Variants in SNTB2 observed in about 807,000 individuals in gnomAD.
SNTB2 encodes beta-2-syntrophin.
Under a neutral mutation model 46.2 loss-of-function variants are expected in SNTB2, and 34 were observed. That is an observed-to-expected ratio of 0.74 (90% CI 0.56 to 0.98). The LOEUF is 0.98. Among genes scored for constraint, SNTB2 ranks in the 50% least tolerant of loss-of-function variants. The pLI is 0.00. For missense variants in SNTB2, 603 were observed against 731.4 expected (o/e 0.82, Z 2.02); for synonymous variants, 290 against 312.6 (o/e 0.93, Z 0.76).
At chr16:69,197,092 A>C (rs1009596839) in intron 1 of SNTB2, among the ~76,000 whole-genome samples, 9 of 152,144 alleles carry the variant, frequency 5.9e-5, no homozygotes, top group African/African-American at 1.9e-4. Context: ...ACTCTGTTAG[A>C]CACTCTGAGA....
intron 4 of SNTB2, among the ~76,000 whole-genome samples, chr16:69,274,652 C>CA (rs758148568): frequency 0.053 from 3,517 of 66,558 alleles, 110 homozygotes; most frequent in East Asian, 0.15. Context: ...GACTCCATCT[C>CA]AAAAAAAAAA....
At chr16:69,294,346 G>A (rs1399363645) in intron 5 of SNTB2, among the ~76,000 whole-genome samples, 1 of 151,962 alleles carries the variant, frequency 6.6e-6, no homozygotes, top group East Asian at 1.9e-4. Context: ...GTTACATCAT[G>A]CTTGTATCAT....
intron 1 of SNTB2, among the ~76,000 whole-genome samples, chr16:69,226,668 T>C (rs1017128769): frequency 6.6e-6 from 1 of 152,156 alleles, no homozygotes; most frequent in African/African-American, 2.4e-5. Context: ...TTGCTGGGAC[T>C]ACAAGCATAT....
intron 2 of SNTB2, among the ~76,000 whole-genome samples, chr16:69,253,516 G>A (rs1005648445): frequency 3.3e-5 from 5 of 151,972 alleles, no homozygotes; most frequent in African/African-American, 4.8e-5. Flanking sequence ...GGGCGTGGTG[G>A]CGGGCGCCTG....
intron 1 of SNTB2, among the ~76,000 whole-genome samples, chr16:69,198,644 G>A (rs979375077): frequency 1.2e-4 from 19 of 152,208 alleles, no homozygotes; most frequent in African/African-American, 4.1e-4. Context: ...CAAACATCTG[G>A]ATGTAGTTAC....
rs1195990792 is a variant in SNTB2 at position 69,284,229 on chromosome 16, A to G, written c.1330A>G (p.Lys444Glu). The G allele has an allele frequency of 4.3e-6, 7 of 1,610,650 alleles. No homozygotes were observed. The South Asian group carries it at 6.6e-5, about 15-fold the overall frequency. The change falls in exon 5 of 7, where the codon AAG (lysine) becomes GAG (glutamate). Residue 444 changes from lysine to glutamate, a missense_variant. Physicochemically the swap from Lys to Glu is moderately conservative, Grantham distance 56. Around this residue, in one of 2 missense-constraint regions of SNTB2, gnomAD observed 537 missense variants for 692.4 expected, o/e 0.78. Transcript: ENST00000336278. Reference protein sequence around the residue: ...QGCHAAAELIKEVSLGCMLNG... With the variant: ...QGCHAAAELIEEVSLGCMLNG... ...TTGCCATGCTGCTGCTGAGCTGATC[A>G]AGGAAGTCTCTCTAGGTAGAGATGC...
chr16:69,248,556 T>C (rs1475555094), intron 2 of SNTB2, among the ~76,000 whole-genome samples: 1 of 152,130 alleles, frequency 6.6e-6, no homozygotes, highest in African/African-American at 2.4e-5. Flanking sequence ...TGCTTGAACC[T>C]GGGAGGCAGA....
chr16:69,238,843 C>T (rs978938758), intron 1 of SNTB2, among the ~76,000 whole-genome samples: 1 of 152,196 alleles, frequency 6.6e-6, no homozygotes, highest in African/African-American at 2.4e-5. Context: ...GCCAGCTGGT[C>T]TTCCTGCTTT....
chr16:69,223,974 T>C (rs114040222), intron 1 of SNTB2, among the ~76,000 whole-genome samples: 3,501 of 152,168 alleles, frequency 0.023, 136 homozygotes, highest in African/African-American at 0.08. Flanking sequence ...CTTGACACTT[T>C]AGAAGAATAC....
At chr16:69,284,463 A>G in intron 5 of SNTB2, among the ~76,000 whole-genome samples, 7 of 64,000 alleles carry the variant, frequency 1.1e-4, no homozygotes, top group African/African-American at 8.4e-4. Flanking sequence ...CTTTACTAAA[A>G]AAAAAAAAAA....
chr16:69,255,944 T>C (rs1215326691), intron 2 of SNTB2, among the ~76,000 whole-genome samples: 1 of 151,366 alleles, frequency 6.6e-6, no homozygotes, highest in Non-Finnish European at 1.5e-5. Flanking sequence ...TCCCAGCACT[T>C]TGGGAAGCTG....
chr16:69,223,004 A>G (rs1344248865), intron 1 of SNTB2, among the ~76,000 whole-genome samples: 1 of 151,192 alleles, frequency 6.6e-6, no homozygotes, highest in Non-Finnish European at 1.5e-5. Flanking sequence ...GGCTGGTCTC[A>G]AACTCCTAAC....
chr16:69,234,185 T>G (rs2152295312), intron 1 of SNTB2, among the ~76,000 whole-genome samples: 1 of 152,224 alleles, frequency 6.6e-6, no homozygotes, highest in Non-Finnish European at 1.5e-5. Context: ...TTACAAAAAT[T>G]AGCTGGGTGC....
chr16:69,249,043 G>C (rs1409188910), intron 2 of SNTB2, among the ~76,000 whole-genome samples: 1 of 55,982 alleles, frequency 1.8e-5, no homozygotes, highest in East Asian at 5.9e-4. Flanking sequence ...TTTTTTTTTT[G>C]AGACAGGGCT....
intron 1 of SNTB2, among the ~76,000 whole-genome samples, chr16:69,205,956 A>T (rs1025174709): frequency 1.3e-5 from 2 of 152,136 alleles, no homozygotes; most frequent in Non-Finnish European, 2.9e-5. Context: ...GCTTGTTAGG[A>T]AGTGATGGGA....
In SNTB2 at chr16:69,217,358, CA is replaced by C. The variant is rs200758565; in HGVS notation, c.581-28243del. Among the ~76,000 whole-genome samples the C allele has an allele frequency of 2.3e-3, 357 of 152,140 alleles. 4 individuals are homozygous for C. Among genetic ancestry groups the C allele is most frequent in the African/African-American group, 8.2e-3 (342 of 41,502 alleles). The stretch of plus-strand genomic sequence containing the variant: ...ACATTGTGGCATGCACCTGTAATCC[CA>C]GGTACTTGGGAGGCTGAGGTGGAAG... On this transcript the variant is annotated intron_variant, in intron 1 of 6. Transcript: ENST00000336278.
chr16:69,295,374 C>T (rs1417463620), intron 5 of SNTB2, among the ~76,000 whole-genome samples: 1 of 150,836 alleles, frequency 6.6e-6, no homozygotes, highest in East Asian at 2.0e-4. Flanking sequence ...CTCAGCCTCC[C>T]GAGTAGCTGG....
At chr16:69,289,209 C>T (rs183173801) in intron 5 of SNTB2, among the ~76,000 whole-genome samples, 102 of 143,786 alleles carry the variant, frequency 7.1e-4, no homozygotes, top group Non-Finnish European at 1.2e-3. Flanking sequence ...GCAGAGGTTG[C>T]GGTGAGCCAA....
chr16:69,260,880 G>A (rs1964828099), intron 3 of SNTB2, among the ~76,000 whole-genome samples: 1 of 151,870 alleles, frequency 6.6e-6, no homozygotes, highest in Non-Finnish European at 1.5e-5. Flanking sequence ...TTCCATAACT[G>A]AAAAGTGAAA....
Sources: gnomAD v4.1 joint callset for allele counts (sites outside exome capture counted in the v4.1 genomes callset) on GRCh38, gnomAD v4.1.1 for gene constraint, gnomAD v4.1.1 regional missense constraint, MANE v1.5 for transcripts, NCBI Gene and HGNC (gene_info 2026-07-23, HGNC 2026-07-21) for gene names.